BRI3: variants seen among roughly 807,000 people sequenced by gnomAD.
BRI3 encodes the protein membrane protein BRI3.
BRI3 carries 6 observed loss-of-function variants against 12.8 expected under a neutral mutation model. The ratio of observed to expected loss-of-function variants is 0.47; its 90% CI spans 0.26 to 0.93. BRI3 has a LOEUF of 0.93. Among genes scored for constraint, BRI3 ranks in the 40% least tolerant of loss-of-function variants. The pLI is 0.15. For synonymous variants in BRI3, 91 were observed against 76.1 expected (o/e 1.20, Z -1.02); for missense variants, 134 against 171.1 (o/e 0.78, Z 1.21).
chr7:98,293,730 AGC>A, downstream of BRI3: 1 of 818,964 alleles, frequency 1.2e-6, no homozygotes, highest in African/African-American at 1.7e-5. Flanking sequence ...AGGTCCCAGC[AGC>A]GTTTTCTGAG....
chr7:98,293,468 A>ATCAT, downstream of BRI3: 2 of 1,540,234 alleles, frequency 1.3e-6, no homozygotes, highest in East Asian at 4.5e-5. Context: ...GGATGCGCCC[A>ATCAT]TCATTCCGCA....
At chr7:98,294,504 C>A (rs984065155), downstream of BRI3, among the ~76,000 whole-genome samples, 35 of 152,136 alleles carry the variant, frequency 2.3e-4, no homozygotes, top group Admixed American at 1.8e-3. Flanking sequence ...CCCGTGATGT[C>A]GGGAGCTCAC....
At chr7:98,292,236 A>G, downstream of BRI3, 1 of 245,076 alleles carries the variant, frequency 4.1e-6, no homozygotes, top group Non-Finnish European at 8.1e-6. Flanking sequence ...TCACAGCCCC[A>G]GCACCCAGCA....
downstream of BRI3, among the ~76,000 whole-genome samples, chr7:98,312,555 C>T (rs2116878899): frequency 6.6e-6 from 1 of 152,260 alleles, no homozygotes; most frequent in South Asian, 2.1e-4. Context: ...AACAGAAACT[C>T]AAAGGGAGGG....
Position 98,281,688 on chromosome 7 carries a change from A to T in BRI3, c.-108A>T. 2 of 334,632 alleles carry T rather than the reference A, an allele frequency of 6.0e-6. No individual in the cohort carries two copies. The highest frequency in any genetic ancestry group is 8.4e-6 in the Non-Finnish European group (2 of 238,764). The allele number at this position is 334,632 out of a possible 1,614,324, so 20.7% of individuals were successfully genotyped here. On this transcript the variant is annotated 5_prime_UTR_variant, in exon 1 of 3. Coordinates refer to ENST00000297290, the MANE Select transcript of BRI3 (RefSeq NM_015379.5). Reference sequence around the variant, plus strand: ...CCGCCCCGCCCCGCGTCTGCCTCAGAGGGGCCCGAGCCACCCGGTCCGCCG... The same window carrying T: ...CCGCCCCGCCCCGCGTCTGCCTCAGTGGGGCCCGAGCCACCCGGTCCGCCG...
At position 98,281,718 on chromosome 7, in the gene BRI3, C is replaced by G. The variant is rs1799520033; in HGVS notation, c.-78C>G. 1.3e-6 allele frequency: 1 copy of G among 761,166 alleles called. No homozygotes were observed. The highest frequency in any genetic ancestry group is 1.9e-5 in the African/African-American group (1 of 52,304). 47.2% of individuals were successfully genotyped at this position (761,166 alleles called of 1,614,324 possible). A position where few individuals can be genotyped will look rare whatever the true frequency, so the allele number is the denominator to read the frequency against. ...CCCGAGCCACCCGGTCCGCCGCGTC[C>G]CCGCCGCCGCCGCCGCGTCCCCCGC... is the stretch of plus-strand genomic sequence containing the variant. On this transcript the variant is annotated 5_prime_UTR_variant, in exon 1 of 3. Coordinates refer to ENST00000297290, the MANE Select transcript of BRI3 (RefSeq NM_015379.5).
chr7:98,320,052 A>G, the BRI3 span: 2 of 1,610,854 alleles, frequency 1.2e-6, no homozygotes, highest in Non-Finnish European at 1.7e-6. Context: ...AAAACCATGC[A>G]CTTACGTTCA....
upstream of BRI3, among the ~76,000 whole-genome samples, chr7:98,302,072 C>A (rs1299039638): frequency 6.6e-6 from 1 of 152,190 alleles, no homozygotes; most frequent in Non-Finnish European, 1.5e-5. Context: ...TGTCATGATC[C>A]AGCCAACGAA....
downstream of BRI3, among the ~76,000 whole-genome samples, chr7:98,296,125 C>T (rs1584412263): frequency 6.6e-6 from 1 of 152,166 alleles, no homozygotes; most frequent in Non-Finnish European, 1.5e-5. Context: ...CAGCACTGAG[C>T]GACTGTCCCT....
chr7:98,282,041 T>A, intron 1 of BRI3, 104 bp downstream of exon 1: 1 of 1,300,458 alleles, frequency 7.7e-7, no homozygotes, highest in Non-Finnish European at 9.8e-7. Flanking sequence ...GGGTCCTTCC[T>A]GGAGCTGGAG....
At chr7:98,314,978 G>C (rs1365463791), downstream of BRI3, among the ~76,000 whole-genome samples, 1 of 152,172 alleles carries the variant, frequency 6.6e-6, no homozygotes, top group African/African-American at 2.4e-5. Context: ...ATGGACGTTT[G>C]ACCATTTCAG....
Position 98,291,102 on chromosome 7 carries a change from C to G in BRI3, c.246-9C>G. 1 of 1,614,080 alleles carries G rather than the reference C, an allele frequency of 6.2e-7. No individual in the cohort carries two copies. Among genetic ancestry groups the G allele is most frequent in the Non-Finnish European group, 8.5e-7 (1 of 1,180,002 alleles). ...ACGGTGCCACCCTCTCTGCCCGTCTCTGCTGCAGGGTTGGGGTGCTGGAGG... is the reference window on the plus strand; with the variant it reads ...ACGGTGCCACCCTCTCTGCCCGTCTGTGCTGCAGGGTTGGGGTGCTGGAGG... On this transcript the variant is annotated splice_polypyrimidine_tract_variant and intron_variant, in intron 2 of 2. Coordinates refer to ENST00000297290, the MANE Select transcript of BRI3 (RefSeq NM_015379.5).
At chr7:98,318,900 T>A in the BRI3 span, among the ~76,000 whole-genome samples, 1 of 146,566 alleles carries the variant, frequency 6.8e-6, no homozygotes, top group Non-Finnish European at 1.5e-5. Context: ...GCCCCGAGAT[T>A]GCGCCACTGC....
chr7:98,317,605 C>T, the BRI3 span, among the ~76,000 whole-genome samples: 10 of 151,800 alleles, frequency 6.6e-5, no homozygotes, highest in Non-Finnish European at 1.3e-4. Context: ...CAGTTCACAC[C>T]GTCTGCATGC....
the BRI3 span, among the ~76,000 whole-genome samples, chr7:98,322,182 G>A: frequency 6.6e-6 from 1 of 152,114 alleles, no homozygotes; most frequent in South Asian, 2.1e-4. Context: ...AATATGGGGA[G>A]AGAGAGAAAG....
chr7:98,320,211 T>G, the BRI3 span: 2 of 1,595,576 alleles, frequency 1.3e-6, no homozygotes, highest in Admixed American at 1.7e-5. Context: ...GAGTGTATTT[T>G]GTAAATAGAA....
chr7:98,322,191 A>G, the BRI3 span, among the ~76,000 whole-genome samples: 1 of 152,066 alleles, frequency 6.6e-6, no homozygotes, highest in Non-Finnish European at 1.5e-5. Flanking sequence ...AGAGAGAGAA[A>G]GCACAGACTG....
chr7:98,304,365 A>C, upstream of BRI3: 1 of 1,613,402 alleles, frequency 6.2e-7, no homozygotes, highest in South Asian at 1.1e-5. Context: ...GATGCTTCTC[A>C]CTGGTGTGGG....
At chr7:98,317,438 G>A in the BRI3 span, 22 of 1,554,618 alleles carry the variant, frequency 1.4e-5, 1 homozygote, top group South Asian at 2.5e-4. Flanking sequence ...CACTTCCACT[G>A]TGTGTGGCTC....
Sources: allele counts gnomAD v4.1 joint callset (sites outside exome capture counted in the v4.1 genomes callset), GRCh38; gene constraint gnomAD v4.1.1; transcripts MANE v1.5; gene names NCBI Gene and HGNC (gene_info 2026-07-23, HGNC 2026-07-21).